Variants in ACMSD observed in about 807,000 individuals in gnomAD.
ACMSD encodes 2-amino-3-carboxymuconate-6-semialdehyde decarboxylase.
Under a neutral mutation model 45.9 loss-of-function variants are expected in ACMSD, and 37 were observed. The observed-to-expected ratio is 0.81, with a 90% CI of 0.62 to 1.06. The LOEUF is 1.06. Among genes scored for constraint, ACMSD ranks in the 50% least tolerant of loss-of-function variants. The pLI, the probability that ACMSD is intolerant of heterozygous loss-of-function variation, is 0.00. For missense variants in ACMSD, 434 were observed against 420.9 expected (o/e 1.03, Z -0.27); for synonymous variants, 138 against 148.8 (o/e 0.93, Z 0.53).
At position 134,901,741 on chromosome 2, in the gene ACMSD, T is replaced by C. The variant is rs1231175112; in HGVS notation, c.949-57T>C. On this transcript the variant is annotated intron_variant, in intron 9 of 9. Transcript: ENST00000356140. ...TTTTTAAACCTGATCAATGTAGTAC[T>C]TAAAAGTACTTAAAAAACAACCAAT... 3 of 1,388,856 alleles carry C rather than the reference T, an allele frequency of 2.2e-6. No homozygotes were observed. In the East Asian group the frequency reaches 7.0e-5, roughly 33 times the overall value. The allele number at this position is 1,388,856 out of a possible 1,614,324, so 86.0% of individuals were successfully genotyped here.
Position 134,852,765 on chromosome 2 carries a change from G to A in ACMSD, c.103-6496G>A, listed in dbSNP as rs185893415. 2.0e-3 allele frequency among the ~76,000 whole-genome samples: 300 copies of A among 152,236 alleles called. 4 individuals are homozygous for A. Among genetic ancestry groups the A allele is most frequent in the Non-Finnish European group, 5.9e-4 (40 of 68,020 alleles). On this transcript the variant is annotated intron_variant, in intron 2 of 9. Coordinates refer to ENST00000356140, the MANE Select transcript of ACMSD (RefSeq NM_138326.3). Reference sequence around the variant, plus strand: ...GCCATTTCTGCCAACTCTGCACCTCGAGCCCAACCAGCATGGCAGCTGGTG... The same window carrying A: ...GCCATTTCTGCCAACTCTGCACCTCAAGCCCAACCAGCATGGCAGCTGGTG...
At chr2:134,860,065 C>A (rs1221483522) in intron 3 of ACMSD, among the ~76,000 whole-genome samples, 1 of 152,172 alleles carries the variant, frequency 6.6e-6, no homozygotes, top group Non-Finnish European at 1.5e-5. Context: ...GAGTTTGAGA[C>A]CAGCCTGGCC....
intron 5 of ACMSD, 43 bp from the exon 6 acceptor site, chr2:134,867,535 TC>T: frequency 6.7e-7 from 1 of 1,487,076 alleles, no homozygotes; most frequent in African/African-American, 1.4e-5. Context: ...ATCTGCTCAC[TC>T]ATCAAAGTAA....
intron 2 of ACMSD, among the ~76,000 whole-genome samples, chr2:134,855,241 C>G (rs947428526): frequency 6.6e-6 from 1 of 152,270 alleles, no homozygotes; most frequent in South Asian, 2.1e-4. Context: ...TCTGTGGAAT[C>G]AAGCTCAGAA....
At chr2:134,865,317 G>A (rs919240190) in intron 5 of ACMSD, among the ~76,000 whole-genome samples, 1 of 152,190 alleles carries the variant, frequency 6.6e-6, no homozygotes. Context: ...TTTGAAAGAG[G>A]ATTTATTTAC....
At chr2:134,868,332 T>C (rs1370715807) in intron 6 of ACMSD, among the ~76,000 whole-genome samples, 1 of 152,104 alleles carries the variant, frequency 6.6e-6, no homozygotes, top group Non-Finnish European at 1.5e-5. Flanking sequence ...CATCATCAGT[T>C]GTGGTAAGAA....
At chr2:134,854,048 G>A (rs1413117036) in intron 2 of ACMSD, among the ~76,000 whole-genome samples, 3 of 152,322 alleles carry the variant, frequency 2.0e-5, no homozygotes, top group East Asian at 3.9e-4. Context: ...ACAAGTCACT[G>A]CACCTCATGG....
chr2:134,856,671 CA>C (rs902699685), intron 2 of ACMSD, among the ~76,000 whole-genome samples: 3 of 152,126 alleles, frequency 2.0e-5, no homozygotes, highest in Non-Finnish European at 4.4e-5. Flanking sequence ...TTTTTTCACC[CA>C]GTTATTTGTT....
At chr2:134,846,235 T>C (rs1031882403) in intron 2 of ACMSD, among the ~76,000 whole-genome samples, 1 of 152,142 alleles carries the variant, frequency 6.6e-6, no homozygotes, top group Non-Finnish European at 1.5e-5. Context: ...GCTACCAGCA[T>C]TTCTCAAACT....
At position 134,872,549 on chromosome 2, in the gene ACMSD, A is replaced by T; in HGVS notation, c.757A>T (p.Met253Leu). The change falls in exon 8 of 10, where the codon ATG becomes TTG. Residue 253 changes from methionine to leucine, a missense_variant. By Grantham distance (15) the Met-to-Leu change is conservative. Coordinates refer to ENST00000356140, the MANE Select transcript of ACMSD (RefSeq NM_138326.3). ...RPDLCAQDNP[M>L]NPKKYLGSFY... The stretch of plus-strand genomic sequence containing the variant: ...AGATCTGTGTGCCCAGGACAACCCC[A>T]TGAACCCGAAGAAATACCTTGGTTC... The T allele has an allele frequency of 6.2e-7, 1 of 1,614,146 alleles. No individual in the cohort carries two copies. The highest frequency in any genetic ancestry group is 8.5e-7 in the Non-Finnish European group (1 of 1,180,032).
At chr2:134,868,259 T>C (rs184745286) in intron 6 of ACMSD, among the ~76,000 whole-genome samples, 1 of 152,290 alleles carries the variant, frequency 6.6e-6, no homozygotes, top group Admixed American at 6.5e-5. Context: ...CTTTGCCTCC[T>C]GCACTATCCA....
intron 2 of ACMSD, among the ~76,000 whole-genome samples, chr2:134,847,397 C>CAGATAGATAGATAGACAGATAGAT (rs1553508770): frequency 1.7e-4 from 14 of 81,472 alleles, no homozygotes; most frequent in African/African-American, 5.9e-4. Context: ...TTTGGGGATA[C>CAGATAGATAGATAGACAGATAGAT]AGATAGATAG....
At chr2:134,854,884 A>G (rs1687508643) in intron 2 of ACMSD, among the ~76,000 whole-genome samples, 1 of 152,200 alleles carries the variant, frequency 6.6e-6, no homozygotes. Flanking sequence ...GCTACTAAGT[A>G]ATTTAATGAG....
At chr2:134,876,664 TA>T (rs1688749580) in intron 8 of ACMSD, among the ~76,000 whole-genome samples, 1 of 152,202 alleles carries the variant, frequency 6.6e-6, no homozygotes, top group Admixed American at 6.5e-5. Flanking sequence ...TTTTTTTTAA[TA>T]AGTAGAAGGA....
chr2:134,885,531 A>C (rs891876554), intron 8 of ACMSD, among the ~76,000 whole-genome samples: 1 of 147,790 alleles, frequency 6.8e-6, no homozygotes, highest in Non-Finnish European at 1.5e-5. Context: ...GCATTCCTTC[A>C]ACACACACAC....
chr2:134,889,942 CAT>C (rs1422843663), intron 8 of ACMSD, among the ~76,000 whole-genome samples: 1 of 151,868 alleles, frequency 6.6e-6, no homozygotes, highest in Non-Finnish European at 1.5e-5. Context: ...AATAGGTGAA[CAT>C]ATATATTTAA....
At chr2:134,862,093 T>G in intron 4 of ACMSD, 75 bp downstream of exon 4, 3 of 1,539,608 alleles carry the variant, frequency 1.9e-6, no homozygotes, top group Non-Finnish European at 2.7e-6. Context: ...AACAGATGCC[T>G]CAAGTTTGGA....
intron 6 of ACMSD, among the ~76,000 whole-genome samples, chr2:134,869,502 C>G (rs1327500454): frequency 1.3e-5 from 2 of 152,040 alleles, no homozygotes; most frequent in Non-Finnish European, 2.9e-5. Flanking sequence ...AGTGAACCAC[C>G]GCACCCAGCC....
intron 1 of ACMSD, among the ~76,000 whole-genome samples, chr2:134,842,226 G>A (rs912249357): frequency 5.9e-5 from 9 of 152,198 alleles, no homozygotes; most frequent in Admixed American, 2.6e-4. Flanking sequence ...CTCCAGGCTC[G>A]GCTCAACCTA....
Sources: allele counts gnomAD v4.1 joint callset (sites outside exome capture counted in the v4.1 genomes callset), GRCh38; gene constraint gnomAD v4.1.1; transcripts MANE v1.5; gene names NCBI Gene and HGNC (gene_info 2026-07-23, HGNC 2026-07-21).